ZBTB8A: variants seen among roughly 807,000 people sequenced by gnomAD.
ZBTB8A encodes zinc finger and BTB domain containing 8A, also known as zinc finger and BTB domain-containing protein 8A.
In ZBTB8A, 19 loss-of-function variants were observed where a neutral mutation model predicts 37.8. The ratio of observed to expected loss-of-function variants is 0.50; its 90% CI spans 0.35 to 0.74. The LOEUF is 0.74. ZBTB8A is among the 30% of genes least tolerant of loss of function. The probability of loss-of-function intolerance (pLI) is 0.01; values close to 1 mark genes in which losing one functional copy is unlikely to be tolerated. For synonymous variants in ZBTB8A, 181 were observed against 185.2 expected, an observed-to-expected ratio of 0.98 and a Z score of 0.19; for missense variants, 394 against 537.8, an observed-to-expected ratio of 0.73 and a Z score of 2.65.
At chr1:32,551,476 A>G (rs1488023106) in intron 1 of ZBTB8A, among the ~76,000 whole-genome samples, 2 of 151,772 alleles carry the variant, frequency 1.3e-5, no homozygotes, top group East Asian at 3.9e-4. Context: ...GCAATTTGGG[A>G]GGCTGAGGCG....
intron 2 of ZBTB8A, among the ~76,000 whole-genome samples, chr1:32,579,397 G>A (rs1257514715): frequency 6.6e-6 from 1 of 150,816 alleles, no homozygotes; most frequent in Non-Finnish European, 1.5e-5. Flanking sequence ...GTTGCAGTGA[G>A]CTGAGATCAC....
chr1:32,593,535 C>A lies in ZBTB8A; in HGVS notation c.604C>A (p.Pro202Thr). 6.2e-7 allele frequency: 1 copy of A among 1,614,160 alleles called. No homozygotes were observed. Among genetic ancestry groups the A allele is most frequent in the Middle Eastern group, 1.6e-4 (1 of 6,062 alleles). ...TCAACAACCCTTGGCCAAGCATGAACCAAGGAAAGAGTCCATTAAAAAGAC... is the reference window on the plus strand; with the variant it reads ...TCAACAACCCTTGGCCAAGCATGAAACAAGGAAAGAGTCCATTAAAAAGAC... ...NTQQPLAKHEPRKESIKKTKH... is the reference protein window; with the variant it reads ...NTQQPLAKHETRKESIKKTKH... Residue 202 changes from proline (P) to threonine (T), a missense_variant, in exon 3 of 5, where the codon CCA (proline) becomes ACA (threonine). Physicochemically the swap from Pro to Thr is conservative, Grantham distance 38 (BLOSUM62 -1). Transcript: ENST00000373510.
Position 32,603,385 on chromosome 1 carries a change from C to T in ZBTB8A, c.*2966C>T, listed in dbSNP as rs1370097841. ...CCTCGTGATCTGCCCGCCTCAGCCT[C>T]CCAAAGTGCTGGGATTACAGGCGTG... On this transcript the variant is annotated 3_prime_UTR_variant, in exon 5 of 5. Coordinates refer to ENST00000373510, the MANE Select transcript of ZBTB8A (RefSeq NM_001040441.3). 1 of 152,222 alleles carries T rather than the reference C, an allele frequency of 6.6e-6. No homozygotes were observed. The highest frequency in any genetic ancestry group is 1.5e-5 in the Non-Finnish European group (1 of 68,058). The allele number at this position is 152,222 out of a possible 1,614,324, so 9.4% of individuals were successfully genotyped here.
At chr1:32,575,130 A>G (rs958726463) in intron 2 of ZBTB8A, among the ~76,000 whole-genome samples, 9 of 151,734 alleles carry the variant, frequency 5.9e-5, no homozygotes, top group African/African-American at 2.2e-4. Flanking sequence ...GTAATTATCA[A>G]TATAGTTGGA....
In ZBTB8A at chr1:32,572,348, A is replaced by G. The variant is rs941213305; in HGVS notation, c.-2+18808A>G. Among the ~76,000 whole-genome samples the G allele has an allele frequency of 2.6e-5, 4 of 151,746 alleles. No individual in the cohort carries two copies. In the South Asian group the frequency reaches 8.3e-4, roughly 32 times the overall value. On this transcript the variant is annotated intron_variant, in intron 2 of 4. Transcript: ENST00000373510. ...TTGATTTAATATAATTTAAATTTTA[A>G]GTTTGATATATGGCTATTCAGATTT...
In ZBTB8A at chr1:32,604,146, A is replaced by G. The variant is rs1294976835; in HGVS notation, c.*3727A>G. 1 of 152,154 alleles carries G rather than the reference A, an allele frequency of 6.6e-6. No homozygotes were observed. Among genetic ancestry groups the G allele is most frequent in the Non-Finnish European group, 1.5e-5 (1 of 68,032 alleles). The allele number at this position is 152,154 out of a possible 1,614,324, so 9.4% of individuals were successfully genotyped here. Reference sequence around the variant, plus strand: ...TTTATCAGCTTCTGAATGCCCTTCTAACTCCATTACCCTCAAGAGTGTCTG... The same window carrying G: ...TTTATCAGCTTCTGAATGCCCTTCTGACTCCATTACCCTCAAGAGTGTCTG... On this transcript the variant is annotated 3_prime_UTR_variant, in exon 5 of 5. Coordinates refer to ENST00000373510, the MANE Select transcript of ZBTB8A (RefSeq NM_001040441.3).
chr1:32,598,615 T>C (rs1306620971), intron 4 of ZBTB8A, among the ~76,000 whole-genome samples: 1 of 152,132 alleles, frequency 6.6e-6, no homozygotes, highest in Non-Finnish European at 1.5e-5. Context: ...CCATAAACAT[T>C]GATTCAACAT....
intron 2 of ZBTB8A, among the ~76,000 whole-genome samples, chr1:32,575,339 G>C (rs1310795383): frequency 6.9e-6 from 1 of 145,914 alleles, no homozygotes; most frequent in East Asian, 2.0e-4. Context: ...CGATTCTCCT[G>C]CTCCAGCCTC....
rs371873751 is a variant in ZBTB8A at position 32,542,679 on chromosome 1, A to G, written c.-84+3107A>G. On this transcript the variant is annotated intron_variant, in intron 1 of 4. Transcript: ENST00000373510. ...AATACATGTCATTGGCTTCTATTCC[A>G]AAGACTTTCGAACTTAATGGTTCCT... Among the ~76,000 whole-genome samples, 86 of 152,320 alleles carry G rather than the reference A, an allele frequency of 5.6e-4. 2 individuals carry two copies. Among genetic ancestry groups the G allele is most frequent in the Middle Eastern group, 3.4e-3 (1 of 292 alleles).
intron 1 of ZBTB8A, among the ~76,000 whole-genome samples, chr1:32,551,376 C>T (rs951117114): frequency 2.6e-5 from 4 of 151,896 alleles, no homozygotes; most frequent in African/African-American, 9.7e-5. Context: ...GAGCCATGGT[C>T]ACACCACTGC....
In ZBTB8A at chr1:32,541,014, G is replaced by T. The variant is rs368640657; in HGVS notation, c.-84+1442G>T. 5.6e-4 allele frequency among the ~76,000 whole-genome samples: 86 copies of T among 152,320 alleles called. 2 individuals carry two copies. The highest frequency in any genetic ancestry group is 3.4e-3 in the Middle Eastern group (1 of 294). The stretch of plus-strand genomic sequence containing the variant: ...GCTTCGCTGTTGATAATGATTTGGG[G>T]CCATCAAAAACTTTGTAAGATAGAG... On this transcript the variant is annotated intron_variant, in intron 1 of 4. Coordinates refer to ENST00000373510, the MANE Select transcript of ZBTB8A (RefSeq NM_001040441.3).
At chr1:32,577,707 G>A (rs758266950) in intron 2 of ZBTB8A, among the ~76,000 whole-genome samples, 17 of 142,318 alleles carry the variant, frequency 1.2e-4, no homozygotes, top group Admixed American at 7.4e-4. Context: ...CTAGCCTCCC[G>A]AGTAACTGGG....
chr1:32,597,295 G>C (rs1644541398), intron 4 of ZBTB8A, among the ~76,000 whole-genome samples: 1 of 152,022 alleles, frequency 6.6e-6, no homozygotes, highest in Non-Finnish European at 1.5e-5. Context: ...ACGTCTGCTG[G>C]TCTTATATTT....
At chr1:32,544,624 G>A (rs1433885787) in intron 1 of ZBTB8A, among the ~76,000 whole-genome samples, 1 of 152,258 alleles carries the variant, frequency 6.6e-6, no homozygotes, top group East Asian at 1.9e-4. Context: ...TTTAACCCAG[G>A]AGGCGAAGGT....
intron 4 of ZBTB8A, among the ~76,000 whole-genome samples, chr1:32,596,985 G>C (rs1644537669): frequency 2.0e-5 from 3 of 151,958 alleles, no homozygotes; most frequent in South Asian, 2.1e-4. Flanking sequence ...AACCAAAGGA[G>C]GTCTCCACTA....
chr1:32,582,841 T>G (rs1457724518), intron 2 of ZBTB8A, among the ~76,000 whole-genome samples: 2 of 152,170 alleles, frequency 1.3e-5, no homozygotes, highest in Non-Finnish European at 2.9e-5. Flanking sequence ...GCTGGGTCTT[T>G]GGGCGCATAA....
intron 2 of ZBTB8A, among the ~76,000 whole-genome samples, chr1:32,561,858 T>C (rs554055127): frequency 2.0e-5 from 3 of 152,282 alleles, no homozygotes; most frequent in Admixed American, 6.5e-5. Context: ...CTTCAGCATA[T>C]AATTTTGGGG....
Position 32,603,468 on chromosome 1 carries a change from G to A in ZBTB8A, c.*3049G>A, listed in dbSNP as rs1644593005. On this transcript the variant is annotated 3_prime_UTR_variant, in exon 5 of 5. Transcript: ENST00000373510. The stretch of plus-strand genomic sequence containing the variant: ...AACAATTAAAGTGTATCTGAATGAG[G>A]AAGGAAACGCTTGTCATTCTCTAGT... 6.6e-6 allele frequency: 1 copy of A among 152,280 alleles called. No individual in the cohort carries two copies. Among genetic ancestry groups the A allele is most frequent in the African/African-American group, 2.4e-5 (1 of 41,466 alleles). The allele number at this position is 152,280 out of a possible 1,614,324, so 9.4% of individuals were successfully genotyped here.
chr1:32,596,242 C>T (rs1467592124), intron 4 of ZBTB8A, among the ~76,000 whole-genome samples: 3 of 151,906 alleles, frequency 2.0e-5, no homozygotes, highest in African/African-American at 2.4e-5. Flanking sequence ...TGGTGGCGGG[C>T]GCCTGCAATC....
Sources: allele counts gnomAD v4.1 joint callset (sites outside exome capture counted in the v4.1 genomes callset), GRCh38; gene constraint gnomAD v4.1.1; transcripts MANE v1.5; gene names NCBI Gene and HGNC (gene_info 2026-07-23, HGNC 2026-07-21).